The following CMSS1 variants were observed in gnomAD, a reference collection of about 807,000 sequenced individuals.
CMSS1 encodes the protein protein CMSS1.
CMSS1 carries 33 observed loss-of-function variants against 43.5 expected under a neutral mutation model. The ratio of observed to expected loss-of-function variants is 0.76; its 90% CI spans 0.57 to 1.01. CMSS1 has a LOEUF of 1.01. Ranked by LOEUF, CMSS1 falls within the 50% of genes least tolerant of loss-of-function variation. The pLI is 0.00. For synonymous variants in CMSS1, 115 were observed against 117.2 expected (o/e 0.98, Z 0.12); for missense variants, 313 against 326.4 (o/e 0.96, Z 0.32).
At chr3:100,042,169 A>G (rs1484664802) in intron 1 of CMSS1, among the ~76,000 whole-genome samples, 1 of 152,242 alleles carries the variant, frequency 6.6e-6, no homozygotes, top group East Asian at 1.9e-4. Flanking sequence ...ACAAAGGGCA[A>G]AAATTGTGGC....
intron 2 of CMSS1, among the ~76,000 whole-genome samples, chr3:100,152,162 C>T (rs1173453989): frequency 6.6e-6 from 1 of 151,588 alleles, no homozygotes; most frequent in African/African-American, 2.4e-5. Context: ...GTTCTTGGCT[C>T]TGCCCTTGGG....
At chr3:100,022,067 A>G (rs932930623) in intron 1 of CMSS1, among the ~76,000 whole-genome samples, 1 of 152,044 alleles carries the variant, frequency 6.6e-6, no homozygotes, top group Non-Finnish European at 1.5e-5. Context: ...AGTAGCTTGT[A>G]ACCAACACAC....
chr3:99,991,447 A>G (rs1487656321), intron 1 of CMSS1, among the ~76,000 whole-genome samples: 1 of 152,092 alleles, frequency 6.6e-6, no homozygotes, highest in African/African-American at 2.4e-5. Flanking sequence ...TTGATTTTAA[A>G]TCTATCTTTT....
At chr3:100,025,520 C>T (rs778214157) in intron 1 of CMSS1, 4 of 151,968 alleles carry the variant, frequency 2.6e-5, no homozygotes, top group African/African-American at 7.3e-5. Flanking sequence ...AGGATGAATA[C>T]GAAGGAACGG....
chr3:100,146,107 T>C (rs2066847410), intron 1 of CMSS1, among the ~76,000 whole-genome samples: 1 of 152,220 alleles, frequency 6.6e-6, no homozygotes, highest in South Asian at 2.1e-4. Flanking sequence ...AAGTCTTTCA[T>C]AGATCAAAAA....
At chr3:100,060,232 T>G (rs1330802184) in intron 1 of CMSS1, among the ~76,000 whole-genome samples, 2 of 152,054 alleles carry the variant, frequency 1.3e-5, no homozygotes, top group African/African-American at 2.4e-5. Context: ...ATCTACTATT[T>G]TAGAAAATAA....
At chr3:99,985,314 A>G (rs1709305457) in intron 1 of CMSS1, among the ~76,000 whole-genome samples, 1 of 152,092 alleles carries the variant, frequency 6.6e-6, no homozygotes, top group Non-Finnish European at 1.5e-5. Flanking sequence ...GGCAGATTGC[A>G]TGAGCCCAGG....
intron 1 of CMSS1, chr3:100,023,514 G>A (rs1018125549): frequency 6.6e-6 from 1 of 152,594 alleles, no homozygotes; most frequent in Non-Finnish European, 1.5e-5. Flanking sequence ...TACTAAATGT[G>A]AAAGAACTGT....
intron 1 of CMSS1, among the ~76,000 whole-genome samples, chr3:100,138,679 T>C (rs2066776157): frequency 6.6e-6 from 1 of 151,128 alleles, no homozygotes; most frequent in South Asian, 2.1e-4. Context: ...TATTAAAAAG[T>C]CAAGAAACAA....
intron 1 of CMSS1, among the ~76,000 whole-genome samples, chr3:100,105,699 T>A (rs1460293838): frequency 6.6e-6 from 1 of 152,168 alleles, no homozygotes; most frequent in Non-Finnish European, 1.5e-5. Context: ...GAAAAACAAC[T>A]GCTAGGTCAA....
intron 1 of CMSS1, among the ~76,000 whole-genome samples, chr3:100,132,762 T>C (rs963660798): frequency 1.5e-5 from 2 of 131,912 alleles, no homozygotes; most frequent in African/African-American, 5.9e-5. Context: ...GAGCTTGCAG[T>C]GAGCCGAGAT....
At chr3:99,818,832 A>G (rs1942375798) in intron 1 of CMSS1, among the ~76,000 whole-genome samples, 1 of 152,258 alleles carries the variant, frequency 6.6e-6, no homozygotes, top group Admixed American at 6.5e-5. Flanking sequence ...CTCCTGATGC[A>G]GTGGGCATTT....
intron 1 of CMSS1, among the ~76,000 whole-genome samples, chr3:100,097,520 T>C (rs2066232008): frequency 1.3e-5 from 2 of 152,222 alleles, no homozygotes; most frequent in Non-Finnish European, 1.5e-5. Context: ...TATCTCTCTA[T>C]TTTTAGATAT....
At chr3:99,973,391 G>A (rs1708878578) in intron 1 of CMSS1, among the ~76,000 whole-genome samples, 1 of 152,172 alleles carries the variant, frequency 6.6e-6, no homozygotes, top group Non-Finnish European at 1.5e-5. Context: ...CTTGTCTCAT[G>A]ATCATTAATT....
chr3:100,078,594 GA>G (rs199798690), intron 1 of CMSS1, among the ~76,000 whole-genome samples: 4,563 of 149,710 alleles, frequency 0.03, 99 homozygotes, highest in East Asian at 0.1. Flanking sequence ...ATGAGGTAAA[GA>G]AAAAAAAAAT....
At chr3:100,133,741 T>C (rs958343694) in intron 1 of CMSS1, among the ~76,000 whole-genome samples, 1 of 152,176 alleles carries the variant, frequency 6.6e-6, no homozygotes, top group African/African-American at 2.4e-5. Context: ...TTTCGTATAG[T>C]TGGTAGTCAG....
chr3:100,115,004 T>C (rs1553715367), intron 1 of CMSS1: 1 of 1,500,814 alleles, frequency 6.7e-7, no homozygotes, highest in Non-Finnish European at 9.0e-7. Context: ...TGGTGGTATG[T>C]TTATTATTAT....
At chr3:99,930,860 T>G in intron 1 of CMSS1, 1 of 1,613,118 alleles carries the variant, frequency 6.2e-7, no homozygotes, top group Non-Finnish European at 8.5e-7. Context: ...GTGTGGCTTC[T>G]CTGCCTTGGG....
chr3:100,070,466 C>A (rs868077543), intron 1 of CMSS1, among the ~76,000 whole-genome samples: 27 of 152,246 alleles, frequency 1.8e-4, no homozygotes, highest in Middle Eastern at 6.8e-3. Flanking sequence ...TTATTCTCCC[C>A]ATCAGTTTAG....
Sources: allele counts gnomAD v4.1 joint callset (sites outside exome capture counted in the v4.1 genomes callset), GRCh38; gene constraint gnomAD v4.1.1; transcripts MANE v1.5; gene names NCBI Gene and HGNC (gene_info 2026-07-23, HGNC 2026-07-21).